Variants in CNOT2 observed in about 807,000 individuals in gnomAD.
The protein encoded by CNOT2 is CCR4-NOT transcription complex subunit 2, also known as CC chemokine receptor 4-negative regulator of transcription 2.
Under a neutral mutation model 72.1 loss-of-function variants are expected in CNOT2, and 7 were observed. The ratio of observed to expected loss-of-function variants is 0.10; its 90% CI spans 0.06 to 0.18. CNOT2 has a LOEUF of 0.18. Among genes scored for constraint, CNOT2 ranks in the 10% least tolerant of loss-of-function variants. The pLI is 1.00. For missense variants in CNOT2, 345 were observed against 660.3 expected, an observed-to-expected ratio of 0.52 and a Z score of 5.23; for synonymous variants, 196 against 225.6, an observed-to-expected ratio of 0.87 and a Z score of 1.17.
chr12:70,258,086 C>A (rs1958547800), intron 1 of CNOT2, among the ~76,000 whole-genome samples: 2 of 152,262 alleles, frequency 1.3e-5, no homozygotes, highest in South Asian at 4.1e-4. Context: ...ATATTCACTT[C>A]TATTTTCACG....
intron 2 of CNOT2, among the ~76,000 whole-genome samples, chr12:70,289,966 A>G (rs1871594140): frequency 6.6e-6 from 1 of 151,874 alleles, no homozygotes; most frequent in South Asian, 2.1e-4. Context: ...AATATTCTTT[A>G]GATTTCTTGT....
At chr12:70,341,771 A>G (rs1881538213) in intron 11 of CNOT2, among the ~76,000 whole-genome samples, 1 of 152,206 alleles carries the variant, frequency 6.6e-6, no homozygotes, top group South Asian at 2.1e-4. Flanking sequence ...TTAAAATTTA[A>G]TTTATATTGG....
At chr12:70,283,277 A>G (rs1870192104) in intron 2 of CNOT2, among the ~76,000 whole-genome samples, 1 of 152,152 alleles carries the variant, frequency 6.6e-6, no homozygotes, top group African/African-American at 2.4e-5. Context: ...AAAGATATAT[A>G]ATGAATATAA....
chr12:70,253,357 TCC>T (rs1958244884), intron 1 of CNOT2, among the ~76,000 whole-genome samples: 2 of 152,216 alleles, frequency 1.3e-5, no homozygotes, highest in Non-Finnish European at 2.9e-5. Flanking sequence ...CCTGTAAAAC[TCC>T]TGACAAGTAG....
Position 70,354,076 on chromosome 12 carries a change from C to A in CNOT2, c.*161C>A, listed in dbSNP as rs1194257455. 14 of 1,273,276 alleles carry A rather than the reference C, an allele frequency of 1.1e-5. 1 individual carries two copies. In the Admixed American group the frequency reaches 2.3e-4, roughly 21 times the overall value. 78.9% of individuals were successfully genotyped at this position (1,273,276 alleles called of 1,614,324 possible). Reference sequence around the variant, plus strand: ...TACGCAAAAGGTCACCATTTGAGGTCCTGCCTTACTAATTATGTGCTGCCC... The same window carrying A: ...TACGCAAAAGGTCACCATTTGAGGTACTGCCTTACTAATTATGTGCTGCCC... On this transcript the variant is annotated 3_prime_UTR_variant, in exon 16 of 16. Coordinates refer to ENST00000229195, the MANE Select transcript of CNOT2 (RefSeq NM_014515.7).
At position 70,338,699 on chromosome 12, in the gene CNOT2, C is replaced by T. The variant is rs756678475; in HGVS notation, c.1055C>T (p.Thr352Met). 7 of 1,613,192 alleles carry T rather than the reference C, an allele frequency of 4.3e-6. No individual in the cohort carries two copies. The highest frequency in any genetic ancestry group is 1.7e-5 in the Admixed American group (1 of 59,928). Residue 352 changes from threonine (T) to methionine (M), a missense_variant, in exon 11 of 16, where the codon ACG (threonine) becomes ATG (methionine). By Grantham distance (81) the Thr-to-Met change is moderately conservative (BLOSUM62 -1). This residue lies in a region of CNOT2 where 128 missense variants were observed against 233.0 expected (regional missense o/e 0.55). Transcript: ENST00000229195. ...ACTAACATTCCTCAAGGGATGGTGACGGACCAATTTGGAATGATTGGCCTG... is the reference window on the plus strand; with the variant it reads ...ACTAACATTCCTCAAGGGATGGTGATGGACCAATTTGGAATGATTGGCCTG... Reference protein sequence around the residue: ...RVTNIPQGMVTDQFGMIGLLT... With the variant: ...RVTNIPQGMVMDQFGMIGLLT...
intron 2 of CNOT2, among the ~76,000 whole-genome samples, chr12:70,307,327 T>G (rs1291152462): frequency 2.0e-5 from 3 of 152,216 alleles, no homozygotes; most frequent in Non-Finnish European, 4.4e-5. Context: ...ACAAAAATAT[T>G]TTCTTCCCTT....
At chr12:70,294,913 G>A (rs773242820) in intron 2 of CNOT2, among the ~76,000 whole-genome samples, 1 of 152,068 alleles carries the variant, frequency 6.6e-6, no homozygotes, top group South Asian at 2.1e-4. Context: ...TTTGTTGAAC[G>A]AATGAATAAA....
chr12:70,247,474 G>C (rs1009491924), intron 1 of CNOT2, among the ~76,000 whole-genome samples: 1 of 152,102 alleles, frequency 6.6e-6, no homozygotes, highest in Admixed American at 6.5e-5. Flanking sequence ...TTATTCATGT[G>C]TATGTTATTG....
intron 2 of CNOT2, 134 bp downstream of exon 2, chr12:70,278,408 TTAAG>T: frequency 1.7e-6 from 1 of 574,724 alleles, no homozygotes; most frequent in South Asian, 2.5e-5. Context: ...TAATTTTAAA[TTAAG>T]TACTGGATTT....
At chr12:70,317,476 T>C (rs558293180) in intron 3 of CNOT2, among the ~76,000 whole-genome samples, 2 of 152,088 alleles carry the variant, frequency 1.3e-5, no homozygotes, top group South Asian at 4.1e-4. Flanking sequence ...AGAAAAGAAC[T>C]TATCAGGCAT....
intron 8 of CNOT2, chr12:70,336,561 T>A (rs142180860): frequency 1.3e-5 from 2 of 152,062 alleles, no homozygotes; most frequent in African/African-American, 4.8e-5. Context: ...CATTCAGATA[T>A]GAATACAAAT....
Position 70,299,040 on chromosome 12 carries a change from C to T in CNOT2, c.49-11855C>T, listed in dbSNP as rs191741205. Among the ~76,000 whole-genome samples the T allele has an allele frequency of 1.5e-3, 231 of 152,042 alleles. 1 individual carries two copies. Among genetic ancestry groups the T allele is most frequent in the African/African-American group, 5.2e-3 (214 of 41,460 alleles). On this transcript the variant is annotated intron_variant, in intron 2 of 15. Coordinates refer to ENST00000229195, the MANE Select transcript of CNOT2 (RefSeq NM_014515.7). The stretch of plus-strand genomic sequence containing the variant: ...GTTCTCATGCTAACAAAGACGTACC[C>T]GAGACTGGGTAGTTTATAAGGGAAA...
chr12:70,265,843 T>C (rs908442422), intron 1 of CNOT2, among the ~76,000 whole-genome samples: 1 of 152,144 alleles, frequency 6.6e-6, no homozygotes, highest in Non-Finnish European at 1.5e-5. Flanking sequence ...GTTCAAAATA[T>C]TTCTAAATTT....
intron 2 of CNOT2, among the ~76,000 whole-genome samples, chr12:70,300,845 C>A (rs931296922): frequency 6.6e-6 from 1 of 152,170 alleles, no homozygotes; most frequent in Non-Finnish European, 1.5e-5. Context: ...ATTCTTCCTA[C>A]GTATGAGCAT....
chr12:70,252,803 A>T (rs1162565052), intron 1 of CNOT2, among the ~76,000 whole-genome samples: 2 of 152,248 alleles, frequency 1.3e-5, no homozygotes, highest in African/African-American at 2.4e-5. Flanking sequence ...AATGTAGATA[A>T]ATAACAATAC....
intron 2 of CNOT2, among the ~76,000 whole-genome samples, chr12:70,279,499 T>A (rs2135809673): frequency 6.6e-6 from 1 of 152,336 alleles, no homozygotes; most frequent in African/African-American, 2.4e-5. Context: ...TTCTGAGTTG[T>A]CCTCATAGAC....
chr12:70,310,065 GA>G, intron 2 of CNOT2, among the ~76,000 whole-genome samples: 1 of 152,112 alleles, frequency 6.6e-6, no homozygotes, highest in East Asian at 1.9e-4. Context: ...CATTGTATTA[GA>G]TATTATAAGT....
chr12:70,354,706 C>G lies in CNOT2; in HGVS notation c.*791C>G, dbSNP rs12813359. On this transcript the variant is annotated 3_prime_UTR_variant, in exon 16 of 16. Coordinates refer to ENST00000229195, the MANE Select transcript of CNOT2 (RefSeq NM_014515.7). Reference sequence around the variant, plus strand: ...TTGGAAAATGTTTGCCCTGCTGTACCTCATTTTTAGGAGGTGTGCATGGAT... The same window carrying G: ...TTGGAAAATGTTTGCCCTGCTGTACGTCATTTTTAGGAGGTGTGCATGGAT... 1 of 152,358 alleles carries G rather than the reference C, an allele frequency of 6.6e-6. No individual in the cohort carries two copies. Among genetic ancestry groups the G allele is most frequent in the Admixed American group, 6.6e-5 (1 of 15,264 alleles). The allele number at this position is 152,358 out of a possible 1,614,324, so 9.4% of individuals were successfully genotyped here. A position where few individuals can be genotyped will look rare whatever the true frequency, so the allele number is the denominator to read the frequency against.
Sources: gnomAD v4.1 joint callset for allele counts (sites outside exome capture counted in the v4.1 genomes callset) on GRCh38, gnomAD v4.1.1 for gene constraint, gnomAD v4.1.1 regional missense constraint, MANE v1.5 for transcripts, NCBI Gene and HGNC (gene_info 2026-07-23, HGNC 2026-07-21) for gene names.